PTPRN2: variants seen among roughly 807,000 people sequenced by gnomAD.
PTPRN2 encodes receptor-type tyrosine-protein phosphatase N2.
A neutral mutation model predicts 118.8 loss-of-function variants in PTPRN2; 74 were observed. That is an observed-to-expected ratio of 0.62 (90% CI 0.52 to 0.76). PTPRN2 has a LOEUF of 0.76. PTPRN2 is among the 30% of genes least tolerant of loss of function. The pLI, the probability that PTPRN2 is intolerant of heterozygous loss-of-function variation, is 0.00. For missense variants in PTPRN2, 1,481 were observed against 1,394.4 expected (o/e 1.06, Z -0.99); for synonymous variants, 641 against 608.0 (o/e 1.05, Z -0.80).
At chr7:157,772,843 G>A (rs1203518383) in intron 12 of PTPRN2, among the ~76,000 whole-genome samples, 1 of 152,244 alleles carries the variant, frequency 6.6e-6, no homozygotes, top group Non-Finnish European at 1.5e-5. Flanking sequence ...TCCTTTGTGC[G>A]AGGTCCCATG....
intron 12 of PTPRN2, among the ~76,000 whole-genome samples, chr7:157,782,145 T>C (rs1357552175): frequency 6.6e-6 from 1 of 152,262 alleles, no homozygotes; most frequent in Non-Finnish European, 1.5e-5. Context: ...AGGCCTCGCC[T>C]GCTCTGCACA....
intron 13 of PTPRN2, among the ~76,000 whole-genome samples, chr7:157,664,631 C>T (rs1212667923): frequency 6.6e-6 from 1 of 152,044 alleles, no homozygotes; most frequent in South Asian, 2.1e-4. Context: ...TGGTGGCGTG[C>T]ACCTGTACTC....
chr7:157,599,880 T>A (rs1303358859), intron 16 of PTPRN2, among the ~76,000 whole-genome samples: 4 of 149,012 alleles, frequency 2.7e-5, no homozygotes, highest in Non-Finnish European at 6.0e-5. Context: ...TGCCCACCTC[T>A]CCACCTGCCC....
At chr7:157,930,953 G>C (rs899609366) in intron 11 of PTPRN2, among the ~76,000 whole-genome samples, 8 of 151,906 alleles carry the variant, frequency 5.3e-5, no homozygotes, top group Non-Finnish European at 1.0e-4. Context: ...TAGCAGCTAA[G>C]AGGCTGCACT....
intron 13 of PTPRN2, among the ~76,000 whole-genome samples, chr7:157,679,502 A>C (rs1260734644): frequency 1.7e-4 from 26 of 152,254 alleles, no homozygotes; most frequent in Admixed American, 1.7e-3. Context: ...AAATGAAGAA[A>C]GCTCTAACAT....
chr7:158,412,804 G>A (rs1244304445), intron 2 of PTPRN2, among the ~76,000 whole-genome samples: 4 of 123,518 alleles, frequency 3.2e-5, no homozygotes, highest in East Asian at 2.7e-4. Context: ...CAGCTCCAGG[G>A]CCCATCTCAG....
intron 10 of PTPRN2, among the ~76,000 whole-genome samples, chr7:158,097,813 C>A (rs1406634658): frequency 6.6e-6 from 1 of 152,234 alleles, no homozygotes; most frequent in Admixed American, 6.5e-5. Context: ...TATGTGACAG[C>A]TACATAACCA....
At chr7:157,919,947 C>T (rs13227690) in intron 11 of PTPRN2, among the ~76,000 whole-genome samples, 44,529 of 152,082 alleles carry the variant, frequency 0.29, 8,011 homozygotes, top group Non-Finnish European at 0.41. Context: ...AAATGCCTAC[C>T]GCTGTGTTAC....
chr7:157,850,402 T>C (rs11977832), intron 12 of PTPRN2, among the ~76,000 whole-genome samples: 90,075 of 141,344 alleles, frequency 0.64, 29,061 homozygotes, highest in East Asian at 0.94. Context: ...CTCAGGCTCG[T>C]GTAAGGGATC....
In PTPRN2 at chr7:158,136,551, T is replaced by TC. The variant is rs1818835248; in HGVS notation, c.1173+103_1173+104insG. 5 of 1,089,948 alleles carry TC rather than the reference T, an allele frequency of 4.6e-6. No homozygotes were observed. The South Asian group carries it at 5.5e-5, about 12-fold the overall frequency. The allele number at this position is 1,089,948 out of a possible 1,614,324, so 67.5% of individuals were successfully genotyped here. The stretch of plus-strand genomic sequence containing the variant: ...TATGAGGGGTTTCTCCATAATTTTC[T>TC]GGGAAAAAAACTTTTGTATTTCATA... On this transcript the variant is annotated intron_variant, in intron 8 of 22. Transcript: ENST00000389418.
intron 3 of PTPRN2, among the ~76,000 whole-genome samples, chr7:158,223,642 T>C (rs956938321): frequency 2.6e-5 from 4 of 151,836 alleles, no homozygotes; most frequent in African/African-American, 7.3e-5. Context: ...TTCAGAAAAA[T>C]AGAAATCAAG....
At chr7:158,157,866 G>T (rs988752255) in intron 6 of PTPRN2, among the ~76,000 whole-genome samples, 5 of 152,226 alleles carry the variant, frequency 3.3e-5, no homozygotes, top group Admixed American at 3.3e-4. Context: ...TGCACACTGA[G>T]CCCGGGACTG....
chr7:157,721,633 G>A (rs1403495567), intron 12 of PTPRN2, among the ~76,000 whole-genome samples: 2 of 152,192 alleles, frequency 1.3e-5, no homozygotes, highest in South Asian at 2.1e-4. Flanking sequence ...GGGTGTGCCC[G>A]AGCTTGCTGC....
intron 5 of PTPRN2, among the ~76,000 whole-genome samples, chr7:158,171,222 T>C (rs1483452790): frequency 1.5e-5 from 2 of 131,264 alleles, no homozygotes; most frequent in Non-Finnish European, 3.1e-5. Context: ...TACACACATA[T>C]ATACACACAT....
At chr7:157,835,147 G>A (rs1436458116) in intron 12 of PTPRN2, among the ~76,000 whole-genome samples, 1 of 152,184 alleles carries the variant, frequency 6.6e-6, no homozygotes, top group African/African-American at 2.4e-5. Flanking sequence ...ACAGCGTCCT[G>A]AGCCCCCTAG....
chr7:158,544,925 C>A lies in PTPRN2; in HGVS notation c.112+42633G>T, dbSNP rs1242794919. ...ACTCACGTGATCACACCCACTCTTTCTTCTTGTGGAAAGCCCCACGTGGAG... is the reference window on the plus strand; with the variant it reads ...ACTCACGTGATCACACCCACTCTTTATTCTTGTGGAAAGCCCCACGTGGAG... On this transcript the variant is annotated intron_variant, in intron 1 of 22. Coordinates refer to ENST00000389418, the MANE Select transcript of PTPRN2 (RefSeq NM_002847.5). This position sits in a 1 kb window ranked among gnomAD's most constrained non-coding sequence, Gnocchi z 4.2. Among the ~76,000 whole-genome samples, 1 of 152,238 alleles carries A rather than the reference C, an allele frequency of 6.6e-6. No homozygotes were observed. Among genetic ancestry groups the A allele is most frequent in the African/African-American group, 2.4e-5 (1 of 41,470 alleles).
intron 12 of PTPRN2, among the ~76,000 whole-genome samples, chr7:157,788,307 G>A (rs927873920): frequency 2.0e-5 from 3 of 150,514 alleles, no homozygotes; most frequent in Admixed American, 1.3e-4. Context: ...CCTGGGAGGC[G>A]GAGGTTGCAG....
chr7:158,583,022 TTAA>T (rs1468407019), intron 1 of PTPRN2, among the ~76,000 whole-genome samples: 5 of 152,160 alleles, frequency 3.3e-5, no homozygotes, highest in Non-Finnish European at 7.4e-5. Flanking sequence ...TGGAACTTTC[TTAA>T]TGAGACCATG....
chr7:158,259,362 G>A (rs1045505219), intron 3 of PTPRN2, among the ~76,000 whole-genome samples: 3 of 152,140 alleles, frequency 2.0e-5, no homozygotes, highest in Admixed American at 6.5e-5. Flanking sequence ...CCACCCTTCC[G>A]GGCAGGGCAA....
Sources: gnomAD v4.1 joint callset for allele counts (sites outside exome capture counted in the v4.1 genomes callset) on GRCh38, gnomAD v4.1.1 for gene constraint, Gnocchi (gnomAD v3.1) non-coding constraint, MANE v1.5 for transcripts, NCBI Gene and HGNC (gene_info 2026-07-23, HGNC 2026-07-21) for gene names.